Variants in MTHFD1L observed in about 807,000 individuals in gnomAD.
MTHFD1L encodes the protein methylenetetrahydrofolate dehydrogenase (NADP+ dependent) 1 like.
MTHFD1L carries 81 observed loss-of-function variants against 119.5 expected under a neutral mutation model. The observed-to-expected ratio is 0.68, with a 90% confidence interval of 0.57 to 0.82. MTHFD1L has a LOEUF of 0.82. Ranked by LOEUF, MTHFD1L falls within the 40% of genes least tolerant of loss-of-function variation. The pLI is 0.00. For synonymous variants in MTHFD1L, 430 were observed against 475.2 expected (o/e 0.90, Z 1.24); for missense variants, 1,125 against 1,253.4 (o/e 0.90, Z 1.55).
At chr6:150,960,151 A>G in intron 17 of MTHFD1L, 124 bp from the exon 18 acceptor site, 3 of 1,283,448 alleles carry the variant, frequency 2.3e-6, no homozygotes, top group East Asian at 2.4e-5. Flanking sequence ...GATTGCATGC[A>G]TGGCCTTTTG....
Position 150,958,262 on chromosome 6 carries a change from C to T in MTHFD1L, c.1804-2013C>T, listed in dbSNP as rs78992038. ...TCTTTTTATGTCGATAAAGGTAGAC[C>T]TGTATCTTCATTTTTAATGACCACA... On this transcript the variant is annotated intron_variant, in intron 17 of 27. Transcript: ENST00000367321. Among the ~76,000 whole-genome samples, 449 of 152,132 alleles carry T rather than the reference C, an allele frequency of 3.0e-3. 3 individuals are homozygous for T. The highest frequency in any genetic ancestry group is 9.8e-3 in the African/African-American group (406 of 41,512).
intron 26 of MTHFD1L, among the ~76,000 whole-genome samples, chr6:151,045,502 G>A (rs985295585): frequency 1.3e-5 from 2 of 152,142 alleles, no homozygotes; most frequent in Non-Finnish European, 2.9e-5. Context: ...AATGGCCCTC[G>A]TCTCTCCAAT....
intron 12 of MTHFD1L, among the ~76,000 whole-genome samples, 173 bp from the exon 13 acceptor site, chr6:150,938,526 T>C (rs1687146802): frequency 6.6e-6 from 1 of 152,204 alleles, no homozygotes; most frequent in Admixed American, 6.5e-5. Context: ...TCAACTTTTT[T>C]TGTTGTTGTT....
At chr6:151,099,885 C>G (rs1315149479) in intron 27 of MTHFD1L, 28 of 1,491,552 alleles carry the variant, frequency 1.9e-5, no homozygotes, top group Non-Finnish European at 2.6e-5. Flanking sequence ...AACTGGCCAT[C>G]ACAGTCACCA....
chr6:151,047,030 A>G (rs1276560756), intron 26 of MTHFD1L, among the ~76,000 whole-genome samples: 2 of 152,214 alleles, frequency 1.3e-5, no homozygotes, highest in Non-Finnish European at 2.9e-5. Flanking sequence ...AGGCTTAACT[A>G]TGTATGTGTT....
intron 24 of MTHFD1L, among the ~76,000 whole-genome samples, chr6:151,020,490 T>G (rs1387564721): frequency 6.6e-6 from 1 of 150,712 alleles, no homozygotes; most frequent in Non-Finnish European, 1.5e-5. Flanking sequence ...GAGAACAATT[T>G]GGCATCTCTT....
intron 24 of MTHFD1L, chr6:151,022,045 A>G (rs1784010920): frequency 2.1e-6 from 1 of 471,172 alleles, no homozygotes; most frequent in Non-Finnish European, 4.4e-6. Flanking sequence ...TCTTGATCCC[A>G]GTGGGGGCTG....
intron 26 of MTHFD1L, among the ~76,000 whole-genome samples, chr6:151,071,052 C>T (rs970685511): frequency 6.6e-5 from 10 of 152,306 alleles, no homozygotes; most frequent in Middle Eastern, 3.4e-3. Flanking sequence ...GATCACTTTG[C>T]GTCAACTCTA....
intron 1 of MTHFD1L, among the ~76,000 whole-genome samples, chr6:150,871,648 C>G (rs1404014037): frequency 1.3e-5 from 2 of 150,300 alleles, no homozygotes; most frequent in African/African-American, 4.9e-5. Flanking sequence ...ACTACAGGCG[C>G]CTGCCACCAC....
At chr6:150,916,003 A>T (rs1000390455) in intron 8 of MTHFD1L, among the ~76,000 whole-genome samples, 2 of 152,210 alleles carry the variant, frequency 1.3e-5, no homozygotes, top group African/African-American at 4.8e-5. Context: ...AAAACGAAAC[A>T]CAACAATTCT....
intron 7 of MTHFD1L, among the ~76,000 whole-genome samples, chr6:150,888,274 A>C (rs1034882483): frequency 2.6e-5 from 4 of 152,230 alleles, no homozygotes; most frequent in African/African-American, 9.6e-5. Context: ...TATGAGTGCC[A>C]AAACCAAAGA....
At chr6:151,069,935 G>A (rs1032837173) in intron 26 of MTHFD1L, among the ~76,000 whole-genome samples, 1 of 152,102 alleles carries the variant, frequency 6.6e-6, no homozygotes, top group African/African-American at 2.4e-5. Flanking sequence ...CTTAGATGTC[G>A]ATGAGTACAT....
chr6:151,079,912 C>T (rs1042519028), intron 26 of MTHFD1L, among the ~76,000 whole-genome samples: 1 of 151,748 alleles, frequency 6.6e-6, no homozygotes, highest in Non-Finnish European at 1.5e-5. Context: ...TGGTGGCTCA[C>T]ACCTGTAATC....
chr6:151,055,941 T>C (rs1789853831), intron 26 of MTHFD1L: 1 of 152,252 alleles, frequency 6.6e-6, no homozygotes, highest in Non-Finnish European at 1.5e-5. Flanking sequence ...TCTTGCTTGA[T>C]AATGCATTAA....
At chr6:150,975,765 T>C (rs1037057202) in intron 20 of MTHFD1L, among the ~76,000 whole-genome samples, 2 of 152,186 alleles carry the variant, frequency 1.3e-5, no homozygotes, top group African/African-American at 4.8e-5. Flanking sequence ...ATGGTGCCCA[T>C]GTAGCCTCTA....
intron 8 of MTHFD1L, among the ~76,000 whole-genome samples, chr6:150,910,058 G>T (rs1288986919): frequency 6.6e-6 from 1 of 152,000 alleles, no homozygotes. Flanking sequence ...GCAGGCACCT[G>T]TAATCCCAGC....
rs1372778546 is a variant in MTHFD1L at position 150,882,884 on chromosome 6, T to G, written c.540T>G (p.Asp180Glu). The change falls in exon 5 of 28, where the codon GAT becomes GAG. Residue 180 changes from aspartate to glutamate, a missense_variant and splice_region_variant. Transcript: ENST00000367321. ...CCTTGAAACCAGAAAAAGATGTGGA[T>G]GGGTAAGAAAATAAAATCAAATAAT... The part of the protein sequence containing the change: ...LNALKPEKDV[D>E]GVTDINLGKL... 5 of 1,565,392 alleles carry G rather than the reference T, an allele frequency of 3.2e-6. No homozygotes were observed. The highest frequency in any genetic ancestry group is 4.3e-6 in the Non-Finnish European group (5 of 1,165,972).
intron 7 of MTHFD1L, among the ~76,000 whole-genome samples, chr6:150,889,003 C>A (rs887618861): frequency 6.6e-6 from 1 of 151,960 alleles, no homozygotes; most frequent in African/African-American, 2.4e-5. Flanking sequence ...GGTGAAACAC[C>A]GTCTCTACTA....
intron 9 of MTHFD1L, among the ~76,000 whole-genome samples, chr6:150,921,111 C>G (rs1469827723): frequency 6.6e-6 from 1 of 151,346 alleles, no homozygotes; most frequent in African/African-American, 2.4e-5. Flanking sequence ...GCCACCACCA[C>G]GCCCGGCTAA....
Sources: allele counts gnomAD v4.1 joint callset (sites outside exome capture counted in the v4.1 genomes callset), GRCh38; gene constraint gnomAD v4.1.1; transcripts MANE v1.5; gene names NCBI Gene and HGNC (gene_info 2026-07-23, HGNC 2026-07-21).